KLF16: variants seen among roughly 807,000 people sequenced by gnomAD.
KLF16 encodes Krueppel-like factor 16.
Under a neutral mutation model 6.1 loss-of-function variants are expected in KLF16, and 6 were observed. That is an observed-to-expected ratio of 0.98 (90% CI 0.54 to 1.93). The LOEUF (loss-of-function observed/expected upper bound fraction) is 1.93. Among genes scored for constraint, KLF16 ranks in the 30% most tolerant of loss-of-function variants. The pLI is 0.01. For synonymous variants in KLF16, 211 were observed against 176.5 expected, an observed-to-expected ratio of 1.20 and a Z score of -1.55; for missense variants, 355 against 363.8, an observed-to-expected ratio of 0.98 and a Z score of 0.20.
At chr19:1,863,011 C>T (rs1218689784) in intron 1 of KLF16, 30 bp downstream of exon 1, 4 of 1,261,950 alleles carry the variant, frequency 3.2e-6, no homozygotes, top group East Asian at 7.8e-5. Flanking sequence ...CGGCCGCCCC[C>T]GCAAGGGCCG....
intron 1 of KLF16, 56 bp from the exon 2 acceptor site, chr19:1,854,816 G>C (rs2011915140): frequency 7.0e-6 from 11 of 1,570,318 alleles, no homozygotes; most frequent in Non-Finnish European, 8.6e-6. Context: ...GGAGATGACA[G>C]ACACGTTCCA....
At chr19:1,868,571 C>T (rs144539584), upstream of KLF16, among the ~76,000 whole-genome samples, 52 of 147,912 alleles carry the variant, frequency 3.5e-4, no homozygotes, top group African/African-American at 1.1e-3. Context: ...CTCTGCCTCC[C>T]AGGTTTCAGC....
chr19:1,862,589 C>T (rs2012088543), intron 1 of KLF16, among the ~76,000 whole-genome samples: 1 of 151,980 alleles, frequency 6.6e-6, no homozygotes, highest in South Asian at 2.1e-4. Flanking sequence ...GCCACCCCGG[C>T]GGCGGCGACG....
At chr19:1,858,281 C>T (rs910195071) in intron 1 of KLF16, among the ~76,000 whole-genome samples, 5 of 152,186 alleles carry the variant, frequency 3.3e-5, no homozygotes, top group African/African-American at 1.2e-4. Context: ...ACCCAGACTG[C>T]GCTTGGCTTT....
chr19:1,859,290 T>G (rs1323677082), intron 1 of KLF16, among the ~76,000 whole-genome samples: 1 of 151,994 alleles, frequency 6.6e-6, no homozygotes, highest in African/African-American at 2.4e-5. Context: ...GGGGCCCTCT[T>G]CAGCAAGGGA....
chr19:1,873,517 G>A, the KLF16 span, among the ~76,000 whole-genome samples: 2,427 of 152,312 alleles, frequency 0.016, 63 homozygotes, highest in African/African-American at 0.055. Context: ...CCAGGGCCCC[G>A]TGCTGGGGTG....
chr19:1,865,874 A>C (rs887222224), upstream of KLF16, among the ~76,000 whole-genome samples: 2 of 152,240 alleles, frequency 1.3e-5, no homozygotes, highest in African/African-American at 4.8e-5. Flanking sequence ...ATGACCCTGT[A>C]AATTCTCCAC....
At chr19:1,858,377 C>T (rs2011996444) in intron 1 of KLF16, among the ~76,000 whole-genome samples, 1 of 152,216 alleles carries the variant, frequency 6.6e-6, no homozygotes. Flanking sequence ...TCACAGTGGC[C>T]TGGTGCCCCC....
intron 1 of KLF16, chr19:1,862,676 G>A (rs2012090900): frequency 4.6e-6 from 1 of 217,890 alleles, no homozygotes; most frequent in Non-Finnish European, 9.1e-6. Context: ...AGAGCCGGAT[G>A]CTCCAACCAC....
At chr19:1,859,469 C>T (rs2012019606) in intron 1 of KLF16, among the ~76,000 whole-genome samples, 1 of 152,136 alleles carries the variant, frequency 6.6e-6, no homozygotes, top group Admixed American at 6.5e-5. Flanking sequence ...TTTGCCTCTG[C>T]AAAGCCCAGC....
rs1030928233 is a variant in KLF16 at position 1,852,449 on chromosome 19, A to C, written c.*2010T>G. 1.3e-5 allele frequency: 2 copies of C among 151,876 alleles called. No homozygotes were observed. Among genetic ancestry groups the C allele is most frequent in the African/African-American group, 4.8e-5 (2 of 41,322 alleles). 9.4% of individuals were successfully genotyped at this position (151,876 alleles called of 1,614,324 possible). On this transcript the variant is annotated 3_prime_UTR_variant, in exon 2 of 2. Coordinates refer to ENST00000250916, the MANE Select transcript of KLF16 (RefSeq NM_031918.4). ...ATTAATTAAATACAAGGATGAGGCC[A>C]GGCAGGGCGGGGGAGGGGCGCCACC...
At chr19:1,859,468 G>A (rs2012019564) in intron 1 of KLF16, among the ~76,000 whole-genome samples, 1 of 152,038 alleles carries the variant, frequency 6.6e-6, no homozygotes, top group South Asian at 2.1e-4. Flanking sequence ...ATTTGCCTCT[G>A]CAAAGCCCAG....
In KLF16 at chr19:1,854,597, G is replaced by A. The variant is rs1242063101; in HGVS notation, c.621C>T (p.Arg207=). The A allele has an allele frequency of 6.3e-7, 1 of 1,593,506 alleles. No individual in the cohort carries two copies. The highest frequency in any genetic ancestry group is 1.1e-5 in the South Asian group (1 of 90,480). The change falls in exon 2 of 2, where the codon CGC becomes CGT. Residue 207 remains arginine, a synonymous_variant. Transcript: ENST00000250916. ...TRSDHLAKHA[R]RHPGFHPDLL... is the part of the protein sequence containing the mutation. ...GGTCCGGGTGGAAGCCGGGGTGGCG[G>A]CGGGCGTGCTTGGCCAGGTGGTCAC...
At chr19:1,865,990 C>T (rs1370792771), upstream of KLF16, among the ~76,000 whole-genome samples, 1 of 152,174 alleles carries the variant, frequency 6.6e-6, no homozygotes, top group Non-Finnish European at 1.5e-5. Flanking sequence ...GTAATGAAAC[C>T]CCCAACTCTC....
chr19:1,866,174 G>GGTGGGCAC (rs1160320422), upstream of KLF16, among the ~76,000 whole-genome samples: 1 of 152,030 alleles, frequency 6.6e-6, no homozygotes, highest in African/African-American at 2.4e-5. Context: ...CGGGCCAGGT[G>GGTGGGCAC]GTGGGCACCT....
rs557631496 is a variant in KLF16 at position 1,852,558 on chromosome 19, T to G, written c.*1901A>C. 2 of 150,884 alleles carry G rather than the reference T, an allele frequency of 1.3e-5. No homozygotes were observed. Among genetic ancestry groups the G allele is most frequent in the East Asian group, 3.9e-4 (2 of 5,072 alleles). The allele number at this position is 150,884 out of a possible 1,614,324, so 9.3% of individuals were successfully genotyped here. The stretch of plus-strand genomic sequence containing the variant: ...CAGTGATCAGCGACTCCTGGGAGAG[T>G]GGAGGGGTGGGCGCAGGTCTCTCCA... On this transcript the variant is annotated 3_prime_UTR_variant, in exon 2 of 2. Coordinates refer to ENST00000250916, the MANE Select transcript of KLF16 (RefSeq NM_031918.4).
chr19:1,856,206 T>C (rs1469396413), intron 1 of KLF16, among the ~76,000 whole-genome samples: 2 of 151,972 alleles, frequency 1.3e-5, no homozygotes, highest in African/African-American at 2.4e-5. Context: ...GGCACGGCCA[T>C]GCTCAGGGTG....
intron 1 of KLF16, 37 bp downstream of exon 1, chr19:1,863,004 C>T (rs766815485): frequency 4.0e-6 from 5 of 1,235,248 alleles, no homozygotes; most frequent in Non-Finnish European, 5.2e-6. Flanking sequence ...TCTCAGGCGG[C>T]CGCCCCCGCA....
chr19:1,855,223 G>T (rs2011924172), intron 1 of KLF16, among the ~76,000 whole-genome samples: 1 of 152,196 alleles, frequency 6.6e-6, no homozygotes, highest in African/African-American at 2.4e-5. Context: ...CTCCATCTGT[G>T]CATGATCCCC....
Sources: allele counts gnomAD v4.1 joint callset (sites outside exome capture counted in the v4.1 genomes callset), GRCh38; gene constraint gnomAD v4.1.1; transcripts MANE v1.5; gene names NCBI Gene and HGNC (gene_info 2026-07-23, HGNC 2026-07-21).